Variants in LPP observed in about 807,000 individuals in gnomAD.
LPP encodes the protein LIM domain containing preferred translocation partner in lipoma, also known as lipoma-preferred partner.
A neutral mutation model predicts 60.4 loss-of-function variants in LPP; 38 were observed. The ratio of observed to expected loss-of-function variants is 0.63; its 90% CI spans 0.49 to 0.83. LPP has a LOEUF of 0.83. LPP is among the 40% of genes least tolerant of loss of function. LPP has a pLI of 0.00. For synonymous variants in LPP, 328 were observed against 290.8 expected (o/e 1.13, Z -1.30); for missense variants, 902 against 783.6 (o/e 1.15, Z -1.80).
At chr3:188,749,084 C>G (rs1727218685) in intron 8 of LPP, among the ~76,000 whole-genome samples, 1 of 152,148 alleles carries the variant, frequency 6.6e-6, no homozygotes, top group Non-Finnish European at 1.5e-5. Context: ...ATGGAGTTCA[C>G]CTTGTTCTGG....
Position 188,883,434 on chromosome 3 carries a change from A to T in LPP, c.*8955A>T, listed in dbSNP as rs1444931168. 1 of 200,620 alleles carries T rather than the reference A, an allele frequency of 5.0e-6. No homozygotes were observed. The highest frequency in any genetic ancestry group is 1.0e-5 in the Non-Finnish European group (1 of 97,748). The allele number at this position is 200,620 out of a possible 1,614,324, so 12.4% of individuals were successfully genotyped here. ...TATCTGACTTGTTGATAATGACCTT[A>T]AAAATGTTAGGAAATGGGCCGGGCG... On this transcript the variant is annotated 3_prime_UTR_variant, in exon 12 of 12. Transcript: ENST00000617246.
At chr3:188,853,075 G>A (rs191132809) in intron 9 of LPP, among the ~76,000 whole-genome samples, 3 of 152,090 alleles carry the variant, frequency 2.0e-5, no homozygotes, top group African/African-American at 4.8e-5. Flanking sequence ...GCTTGAACCC[G>A]GGAAGTGGAG....
chr3:188,766,024 C>A (rs536572800), intron 9 of LPP, among the ~76,000 whole-genome samples: 1 of 151,902 alleles, frequency 6.6e-6, no homozygotes, highest in Admixed American at 6.6e-5. Context: ...GCGCCCACCA[C>A]CACGCCCGGC....
At chr3:188,519,711 G>A (rs111283545) in intron 5 of LPP, among the ~76,000 whole-genome samples, 8 of 152,182 alleles carry the variant, frequency 5.3e-5, no homozygotes, top group African/African-American at 1.7e-4. Context: ...AATTGCAACA[G>A]CAAATCTAAT....
Position 188,711,013 on chromosome 3 carries a change from A to C in LPP, c.1240+2620A>C, listed in dbSNP as rs564941867. 2.0e-5 allele frequency: 3 copies of C among 152,344 alleles called. No homozygotes were observed. The South Asian group carries it at 6.2e-4, about 32-fold the overall frequency. 9.4% of individuals were successfully genotyped at this position (152,344 alleles called of 1,614,324 possible). A position where few individuals can be genotyped will look rare whatever the true frequency, so the allele number is the denominator to read the frequency against. ...GATGAAATATTTATACAAAGCACTTAGCCAAGTTCTTGGCATGTAGAATAT... is the reference window on the plus strand; with the variant it reads ...GATGAAATATTTATACAAAGCACTTCGCCAAGTTCTTGGCATGTAGAATAT... On this transcript the variant is annotated intron_variant, in intron 8 of 11. Coordinates refer to ENST00000617246, the MANE Select transcript of LPP (RefSeq NM_001375462.1).
intron 7 of LPP, among the ~76,000 whole-genome samples, chr3:188,679,526 T>TACA (rs1233809055): frequency 1.1e-4 from 3 of 26,178 alleles, no homozygotes; most frequent in African/African-American, 3.5e-4. Context: ...ACTCTGTGTG[T>TACA]GTGTGTGTGT....
intron 2 of LPP, among the ~76,000 whole-genome samples, chr3:188,339,282 A>T (rs1442443348): frequency 6.6e-6 from 1 of 152,186 alleles, no homozygotes; most frequent in South Asian, 2.1e-4. Flanking sequence ...CCATTGCATT[A>T]TGAAACACTC....
chr3:188,433,414 G>T (rs951678815), intron 4 of LPP, among the ~76,000 whole-genome samples: 1 of 152,050 alleles, frequency 6.6e-6, no homozygotes, highest in Non-Finnish European at 1.5e-5. Flanking sequence ...CGTCTTTGCT[G>T]ATCACAGTAA....
intron 8 of LPP, among the ~76,000 whole-genome samples, chr3:188,715,092 CTTAAAA>C (rs1157029162): frequency 6.6e-6 from 1 of 151,926 alleles, no homozygotes; most frequent in Non-Finnish European, 1.5e-5. Flanking sequence ...GTGATAGATA[CTTAAAA>C]AGAACAAGGG....
chr3:188,746,381 C>A (rs1393831323), intron 8 of LPP: 11 of 455,394 alleles, frequency 2.4e-5, no homozygotes, highest in Admixed American at 1.7e-4. Flanking sequence ...ATGAAAGGAA[C>A]AATCTACAGG....
chr3:188,724,211 T>C (rs1717522576), intron 8 of LPP, among the ~76,000 whole-genome samples: 2 of 152,140 alleles, frequency 1.3e-5, no homozygotes, highest in African/African-American at 4.8e-5. Context: ...AGTTAAATAA[T>C]TTTCCCGGAA....
Position 188,647,398 on chromosome 3 carries a change from AT to A in LPP, c.1113+37555del, listed in dbSNP as rs201442190. Among the ~76,000 whole-genome samples the A allele has an allele frequency of 6.3e-3, 963 of 152,266 alleles. 7 individuals carry two copies. The highest frequency in any genetic ancestry group is 0.015 in the Admixed American group (232 of 15,298). ...ATCTTTCATTAGTTGAAAAAAAAAA[AT>A]ATTTGCCTGCAAGGACTGTAAACAG... On this transcript the variant is annotated intron_variant, in intron 7 of 11. Coordinates refer to ENST00000617246, the MANE Select transcript of LPP (RefSeq NM_001375462.1).
chr3:188,573,780 AC>A (rs1206364360), intron 6 of LPP, among the ~76,000 whole-genome samples: 1 of 152,080 alleles, frequency 6.6e-6, no homozygotes, highest in Non-Finnish European at 1.5e-5. Flanking sequence ...GAAGCCAGTG[AC>A]CAGGGGAGGG....
intron 2 of LPP, among the ~76,000 whole-genome samples, chr3:188,293,094 A>G (rs1245719600): frequency 1.3e-5 from 2 of 152,206 alleles, no homozygotes; most frequent in Non-Finnish European, 2.9e-5. Flanking sequence ...ATTTTATTTG[A>G]GCTGGCATTG....
At chr3:188,344,498 G>A (rs908336374) in intron 3 of LPP, among the ~76,000 whole-genome samples, 3 of 152,046 alleles carry the variant, frequency 2.0e-5, no homozygotes, top group East Asian at 1.9e-4. Flanking sequence ...CCCTCTATGA[G>A]GTCTGTTTCA....
At chr3:188,251,586 TAC>T (rs1729649126) in intron 2 of LPP, among the ~76,000 whole-genome samples, 1 of 152,134 alleles carries the variant, frequency 6.6e-6, no homozygotes. Context: ...CAAATATGTA[TAC>T]ACAAATACTA....
intron 2 of LPP, among the ~76,000 whole-genome samples, chr3:188,270,974 T>C (rs1240056768): frequency 9.9e-5 from 15 of 152,206 alleles, no homozygotes; most frequent in Admixed American, 7.2e-4. Flanking sequence ...AGGGTTGAAT[T>C]TGATGATCTT....
intron 1 of LPP, among the ~76,000 whole-genome samples, chr3:188,193,594 C>G (rs565905254): frequency 5.3e-5 from 8 of 152,332 alleles, no homozygotes; most frequent in African/African-American, 1.2e-4. Flanking sequence ...GATATTTGCA[C>G]AAGTCTGACC....
intron 6 of LPP, among the ~76,000 whole-genome samples, chr3:188,593,317 C>CT (rs2151124832): frequency 6.6e-6 from 1 of 152,060 alleles, no homozygotes; most frequent in South Asian, 2.1e-4. Flanking sequence ...CTCTCTCTCT[C>CT]TTCTCTCTCC....
Sources: allele counts gnomAD v4.1 joint callset (sites outside exome capture counted in the v4.1 genomes callset), GRCh38; gene constraint gnomAD v4.1.1; transcripts MANE v1.5; gene names NCBI Gene and HGNC (gene_info 2026-07-23, HGNC 2026-07-21).